Variants in GSE1 observed in about 807,000 individuals in gnomAD.
GSE1 encodes genetic suppressor element 1.
A neutral mutation model predicts 112.6 loss-of-function variants in GSE1; 32 were observed. The ratio of observed to expected loss-of-function variants is 0.28; its 90% confidence interval spans 0.21 to 0.38. GSE1 has a LOEUF of 0.38. Among genes scored for constraint, GSE1 ranks in the 10% least tolerant of loss-of-function variants. The pLI is 1.00. For missense variants in GSE1, 2,348 were observed against 1,699.2 expected, an observed-to-expected ratio of 1.38 and a Z score of -6.71; for synonymous variants, 1,115 against 735.6, an observed-to-expected ratio of 1.52 and a Z score of -8.35.
upstream of GSE1, among the ~76,000 whole-genome samples, chr16:85,611,941 C>T (rs952192941): frequency 6.6e-6 from 1 of 151,926 alleles, no homozygotes; most frequent in African/African-American, 2.4e-5. Context: ...GCGGGCATGT[C>T]CCGGGGCAGG....
Position 85,634,090 on chromosome 16 carries a change from G to A in GSE1, c.184G>A (p.Ala62Thr), listed in dbSNP as rs750095056. 1.0e-5 allele frequency: 16 copies of A among 1,589,136 alleles called. No homozygotes were observed. The highest frequency in any genetic ancestry group is 1.3e-5 in the Non-Finnish European group (15 of 1,170,014). The change falls in exon 2 of 16, where the codon GCC becomes ACC. Residue 62 changes from alanine to threonine, a missense_variant. Transcript: ENST00000253458. ...AQAAPSSSFA[A>T]ALRKLAKQAE... ...GGCCGCGCCATCCTCCAGCTTTGCCGCCGCGCTGCGCAAGCTCGCCAAACA... is the reference window on the plus strand; with the variant it reads ...GGCCGCGCCATCCTCCAGCTTTGCCACCGCGCTGCGCAAGCTCGCCAAACA...
Position 85,439,397 on chromosome 16 carries a change from T to A in GSE1, c.2464+81754T>A, listed in dbSNP as rs151204086. ...TTCCTGCCATCTGGCTCTCTCAGCC[T>A]TGGAGGCTGGGGGTGCCCCTCCACC... On this transcript the variant is annotated intron_variant, in intron 2 of 2. Coordinates refer to the GSE1 transcript ENST00000637419. Among the ~76,000 whole-genome samples, 965 of 152,300 alleles carry A rather than the reference T, an allele frequency of 6.3e-3. 10 individuals are homozygous for A. The highest frequency in any genetic ancestry group is 0.022 in the African/African-American group (921 of 41,570).
chr16:85,238,080 G>A (rs35207980), intron 1 of GSE1, among the ~76,000 whole-genome samples: 28,008 of 152,148 alleles, frequency 0.18, 2,760 homozygotes, highest in South Asian at 0.34. Flanking sequence ...AGGAGCTGAG[G>A]CTGGAGGTTC....
rs1331122391 is a variant in GSE1 at position 85,634,049 on chromosome 16, G to A, written c.143G>A (p.Ser48Asn). The change falls in exon 2 of 16, where the codon AGC becomes AAC. Residue 48 changes from serine to asparagine, a missense_variant. Ser to Asn is a conservative substitution (Grantham distance 46, BLOSUM62 1). Transcript: ENST00000253458. ...LVPSGSPATS[S>N]ALSAQAAPSS... ...CCCAGCGGCAGCCCCGCCACCAGCA[G>A]CGCGCTGTCGGCCCAGGCCGCGCCA... is the stretch of plus-strand genomic sequence containing the variant. 1.9e-6 allele frequency: 3 copies of A among 1,609,248 alleles called. No homozygotes were observed. Among genetic ancestry groups the A allele is most frequent in the Non-Finnish European group, 2.5e-6 (3 of 1,177,998 alleles).
chr16:85,531,637 A>G (rs921815249), intron 2 of GSE1, among the ~76,000 whole-genome samples: 2 of 152,122 alleles, frequency 1.3e-5, no homozygotes, highest in African/African-American at 2.4e-5. Context: ...CCGGCCCCAC[A>G]CTGCTGTATG....
At position 85,180,901 on chromosome 16, in the gene GSE1, A is replaced by G. The variant is rs1319503879; in HGVS notation, c.2283+9094A>G. On this transcript the variant is annotated intron_variant, in intron 1 of 2. Coordinates refer to the GSE1 transcript ENST00000637419. ...CTGGAATTTACGTACCAGTGATGTC[A>G]CCTTAAAAGGTCCTGATTTTCTTCT... 2.6e-5 allele frequency among the ~76,000 whole-genome samples: 4 copies of G among 152,344 alleles called. No individual in the cohort carries two copies. In the East Asian group the frequency reaches 7.7e-4, roughly 29 times the overall value.
intron 1 of GSE1, among the ~76,000 whole-genome samples, chr16:85,629,198 AAAT>A (rs2049333609): frequency 6.6e-6 from 1 of 152,214 alleles, no homozygotes; most frequent in Non-Finnish European, 1.5e-5. Context: ...TCAGGAGCCA[AAAT>A]AAGCCTCTTT....
chr16:85,615,416 G>T (rs1411394114), intron 1 of GSE1, among the ~76,000 whole-genome samples: 1 of 152,206 alleles, frequency 6.6e-6, no homozygotes, highest in African/African-American at 2.4e-5. Context: ...CTGCGGGCCG[G>T]GTGCGAGGAT....
At chr16:85,580,821 G>A (rs1254611544) in intron 1 of GSE1, among the ~76,000 whole-genome samples, 1 of 152,218 alleles carries the variant, frequency 6.6e-6, no homozygotes, top group Non-Finnish European at 1.5e-5. Flanking sequence ...GTGAGCTCTC[G>A]GCCAGAAGGC....
intron 2 of GSE1, among the ~76,000 whole-genome samples, chr16:85,413,758 A>G (rs1417795359): frequency 6.6e-6 from 1 of 152,166 alleles, no homozygotes; most frequent in Non-Finnish European, 1.5e-5. Flanking sequence ...TGATATGGTT[A>G]GACTTTGTGT....
At chr16:85,646,925 G>A (rs1019412812) in intron 2 of GSE1, among the ~76,000 whole-genome samples, 1 of 152,108 alleles carries the variant, frequency 6.6e-6, no homozygotes, top group Non-Finnish European at 1.5e-5. Flanking sequence ...AGCGAGGCTG[G>A]TGCCTGGTTG....
intron 1 of GSE1, among the ~76,000 whole-genome samples, chr16:85,616,948 AAACG>A (rs2151594405): frequency 6.6e-6 from 1 of 152,296 alleles, no homozygotes; most frequent in African/African-American, 2.4e-5. Context: ...CATGCCTGCC[AAACG>A]CACACTCGGG....
intron 2 of GSE1, among the ~76,000 whole-genome samples, chr16:85,470,487 C>T (rs1034873371): frequency 6.6e-6 from 1 of 152,228 alleles, no homozygotes; most frequent in Non-Finnish European, 1.5e-5. Context: ...CCGGCCACTG[C>T]ACCTGGGATG....
Position 85,654,885 on chromosome 16 carries a change from C to A in GSE1, c.691C>A (p.Leu231Ile). Residue 231 changes from leucine to isoleucine, a missense_variant, in exon 5 of 16, where the codon CTC (leucine) becomes ATC (isoleucine). Transcript: ENST00000253458. ...SFRPYHTTDDLRMSSLPPLGL... is the reference protein window; with the variant it reads ...SFRPYHTTDDIRMSSLPPLGL... ...CCGGCCCTACCACACCACCGACGACCTCCGCATGTCCTCACTGCCTCCCCT... is the reference window on the plus strand; with the variant it reads ...CCGGCCCTACCACACCACCGACGACATCCGCATGTCCTCACTGCCTCCCCT... 6.2e-7 allele frequency: 1 copy of A among 1,611,508 alleles called. No individual in the cohort carries two copies. Among genetic ancestry groups the A allele is most frequent in the Non-Finnish European group, 8.5e-7 (1 of 1,179,044 alleles).
At chr16:85,437,565 C>A (rs537732265) in intron 2 of GSE1, among the ~76,000 whole-genome samples, 2 of 151,924 alleles carry the variant, frequency 1.3e-5, no homozygotes, top group African/African-American at 4.8e-5. Flanking sequence ...AGGAGAAGGA[C>A]GAGGAGGGGC....
intron 1 of GSE1, among the ~76,000 whole-genome samples, chr16:85,348,915 C>A (rs1253612713): frequency 6.6e-6 from 1 of 152,006 alleles, no homozygotes; most frequent in East Asian, 1.9e-4. Flanking sequence ...GATCCTGACC[C>A]CCCAGCTGCG....
intron 1 of GSE1, among the ~76,000 whole-genome samples, chr16:85,590,790 C>T (rs2046971990): frequency 6.6e-6 from 1 of 152,200 alleles, no homozygotes; most frequent in South Asian, 2.1e-4. Context: ...CGCTGCACCA[C>T]CATTTGGCTC....
At chr16:85,627,766 T>C (rs1241836546) in intron 1 of GSE1, among the ~76,000 whole-genome samples, 3 of 152,088 alleles carry the variant, frequency 2.0e-5, no homozygotes, top group East Asian at 1.9e-4. Flanking sequence ...GAGCTGATAA[T>C]GTAGACAAGA....
At chr16:85,386,183 C>G (rs761115204) in intron 2 of GSE1, among the ~76,000 whole-genome samples, 4 of 152,190 alleles carry the variant, frequency 2.6e-5, no homozygotes, top group East Asian at 1.9e-4. Flanking sequence ...ACGCCCTGCC[C>G]CCTGTTTGGG....
Sources: gnomAD v4.1 joint callset for allele counts (sites outside exome capture counted in the v4.1 genomes callset) on GRCh38, gnomAD v4.1.1 for gene constraint, MANE v1.5 for transcripts, NCBI Gene and HGNC (gene_info 2026-07-23, HGNC 2026-07-21) for gene names.